Variants in RAB1B observed in about 807,000 individuals in gnomAD.
RAB1B encodes the protein RAB1B, member RAS oncogene family.
RAB1B carries 10 observed loss-of-function variants against 24.8 expected under a neutral mutation model. The observed-to-expected ratio is 0.40, with a 90% CI of 0.25 to 0.68. The LOEUF (loss-of-function observed/expected upper bound fraction) is 0.68. Ranked by LOEUF, RAB1B falls within the 30% of genes least tolerant of loss-of-function variation. The pLI, the probability that RAB1B is intolerant of heterozygous loss-of-function variation, is 0.37. For missense variants in RAB1B, 154 were observed against 271.2 expected (o/e 0.57, Z 3.04); for synonymous variants, 99 against 111.7 (o/e 0.89, Z 0.72).
At chr11:66,268,762 G>T (rs1856986843) in intron 1 of RAB1B, 69 bp downstream of exon 1, 2 of 1,485,496 alleles carry the variant, frequency 1.3e-6, no homozygotes, top group South Asian at 2.6e-5. Context: ...CGCTTACCGG[G>T]GTTGTCTGGC....
chr11:66,275,721 T>G, intron 4 of RAB1B, 83 bp from the exon 5 acceptor site: 1 of 1,452,328 alleles, frequency 6.9e-7, no homozygotes, highest in Non-Finnish European at 9.3e-7. Flanking sequence ...GCTGTACTGT[T>G]CCCCTCAGAG....
chr11:66,270,875 G>T (rs567919207), intron 1 of RAB1B: 2 of 152,246 alleles, frequency 1.3e-5, no homozygotes, highest in African/African-American at 4.8e-5. Flanking sequence ...CAGAAATCAG[G>T]TTAGGATACC....
intron 4 of RAB1B, among the ~76,000 whole-genome samples, chr11:66,273,519 A>G (rs922282921): frequency 3.9e-5 from 6 of 152,054 alleles, no homozygotes; most frequent in African/African-American, 4.8e-5. Flanking sequence ...GTCAGTGTCT[A>G]TTTGCTGGTC....
At chr11:66,269,723 C>G (rs537001087) in intron 1 of RAB1B, 2 of 152,240 alleles carry the variant, frequency 1.3e-5, no homozygotes, top group Non-Finnish European at 2.9e-5. Flanking sequence ...CTTCCCTTCT[C>G]TGGCCTCTGG....
Position 66,268,654 on chromosome 11 carries a change from C to A in RAB1B, c.-26C>A. On this transcript the variant is annotated 5_prime_UTR_variant, in exon 1 of 6. Transcript: ENST00000311481. ...GAGGCGGAGCAGAGTCGACTGGGAG[C>A]GACCGAGCGGGCCGCCGCCGCCGCC... 3 of 1,560,166 alleles carry A rather than the reference C, an allele frequency of 1.9e-6. No individual in the cohort carries two copies. The highest frequency in any genetic ancestry group is 2.6e-6 in the Non-Finnish European group (3 of 1,154,682).
intron 4 of RAB1B, among the ~76,000 whole-genome samples, chr11:66,273,252 C>G (rs1227332668): frequency 2.0e-5 from 3 of 152,156 alleles, no homozygotes; most frequent in South Asian, 2.1e-4. Flanking sequence ...AGCCGTGGGC[C>G]GGGAAGAGTC....
At position 66,276,770 on chromosome 11, in the gene RAB1B, T is replaced by TC. The variant is rs2134869499; in HGVS notation, c.*536dup. 1 of 139,690 alleles carries TC rather than the reference T, an allele frequency of 7.2e-6. No individual in the cohort carries two copies. Among genetic ancestry groups the TC allele is most frequent in the East Asian group, 2.2e-4 (1 of 4,620 alleles). 8.7% of individuals were successfully genotyped at this position (139,690 alleles called of 1,614,324 possible). ...GGGCCCAGCAGCCCACCCTTTCCTC[T>TC]CCCCACTGCCTCCTCTCCCTTCCTA... is the stretch of plus-strand genomic sequence containing the variant. On this transcript the variant is annotated 3_prime_UTR_variant, in exon 6 of 6. Transcript: ENST00000311481.
chr11:66,270,924 T>C (rs1313082686), intron 1 of RAB1B: 2 of 152,278 alleles, frequency 1.3e-5, no homozygotes, highest in African/African-American at 2.4e-5. Flanking sequence ...TCTTGATTTC[T>C]TTCTCCATAA....
intron 1 of RAB1B, chr11:66,271,488 CAAAAAAAAA>C (rs71270565): frequency 8.2e-5 from 4 of 48,492 alleles, no homozygotes; most frequent in Admixed American, 2.2e-4. Context: ...AACTCAGTCT[CAAAAAAAAA>C]AAAAAAAAAA....
intron 4 of RAB1B, among the ~76,000 whole-genome samples, chr11:66,273,895 A>G (rs1416954794): frequency 6.6e-6 from 1 of 152,146 alleles, no homozygotes. Context: ...CCCACCCTCA[A>G]GCAGCCTCTG....
chr11:66,275,672 ATC>A (rs1310673390), intron 4 of RAB1B, 130 bp from the exon 5 acceptor site: 4 of 970,184 alleles, frequency 4.1e-6, no homozygotes, highest in Non-Finnish European at 5.9e-6. Context: ...CTTCCTCTGC[ATC>A]TCTGCATCGC....
At chr11:66,269,336 C>A (rs895368867) in intron 1 of RAB1B, among the ~76,000 whole-genome samples, 1 of 152,146 alleles carries the variant, frequency 6.6e-6, no homozygotes, top group Non-Finnish European at 1.5e-5. Flanking sequence ...CCAACGCCAC[C>A]GTCACACCCC....
At chr11:66,272,299 T>C (rs530623878) in intron 3 of RAB1B, 47 bp downstream of exon 3, 1 of 1,600,138 alleles carries the variant, frequency 6.2e-7, no homozygotes, top group South Asian at 1.1e-5. Context: ...GTATCCACCT[T>C]GGGAGGGAAG....
At chr11:66,273,973 A>C (rs1857101613) in intron 4 of RAB1B, among the ~76,000 whole-genome samples, 2 of 151,986 alleles carry the variant, frequency 1.3e-5, no homozygotes, top group Non-Finnish European at 2.9e-5. Context: ...CCCCATTTTT[A>C]ATATTTTTAT....
At position 66,272,392 on chromosome 11, in the gene RAB1B, C is replaced by A; in HGVS notation, c.211C>A (p.Arg71=). The A allele has an allele frequency of 6.2e-7, 1 of 1,610,050 alleles. No individual in the cohort carries two copies. Among genetic ancestry groups the A allele is most frequent in the Non-Finnish European group, 8.5e-7 (1 of 1,177,458 alleles). Residue 71 remains arginine (R), a synonymous_variant, in exon 4 of 6, where the codon CGG becomes AGG. Coordinates refer to ENST00000311481, the MANE Select transcript of RAB1B (RefSeq NM_030981.3). ...IWDTAGQERF[R]TITSSYYRGA... Reference sequence around the variant, plus strand: ...GGACACAGCGGGCCAGGAACGGTTCCGGACCATCACTTCCAGCTACTACCG... The same window carrying A: ...GGACACAGCGGGCCAGGAACGGTTCAGGACCATCACTTCCAGCTACTACCG...
At chr11:66,271,015 G>A (rs993553649) in intron 1 of RAB1B, 1 of 152,264 alleles carries the variant, frequency 6.6e-6, no homozygotes, top group African/African-American at 2.4e-5. Context: ...CCCTGACCGG[G>A]ACTGTTGGGA....
chr11:66,277,130 C>T lies in RAB1B; in HGVS notation c.*892C>T, dbSNP rs1461995947. On this transcript the variant is annotated 3_prime_UTR_variant, in exon 6 of 6. Coordinates refer to ENST00000311481, the MANE Select transcript of RAB1B (RefSeq NM_030981.3). ...GGAAGGCCCTCATCCCCTGCCGCTA[C>T]TTCTCTGGGGAATGTGGGTTCCATC... 1 of 152,842 alleles carries T rather than the reference C, an allele frequency of 6.5e-6. No homozygotes were observed. The highest frequency in any genetic ancestry group is 2.4e-5 in the African/African-American group (1 of 41,454). 9.5% of individuals were successfully genotyped at this position (152,842 alleles called of 1,614,324 possible). A position where few individuals can be genotyped will look rare whatever the true frequency, so the allele number is the denominator to read the frequency against.
chr11:66,275,684 C>A, intron 4 of RAB1B, 120 bp from the exon 5 acceptor site: 1 of 1,111,202 alleles, frequency 9.0e-7, no homozygotes, highest in South Asian at 1.6e-5. Flanking sequence ...CTCTGCATCG[C>A]TGAGCCCAGG....
In RAB1B at chr11:66,272,168, C is replaced by T. The variant is rs1857070622; in HGVS notation, c.99C>T (p.Tyr33=). 4 of 1,612,388 alleles carry T rather than the reference C, an allele frequency of 2.5e-6. No homozygotes were observed. The highest frequency in any genetic ancestry group is 1.7e-4 in the Middle Eastern group (1 of 5,912). Residue 33 remains tyrosine, a synonymous_variant, in exon 3 of 6, where the codon TAC becomes TAT. Transcript: ENST00000311481. ...CCCTGAACTTTCAGGATGACACGTACACAGAGAGCTACATCAGCACCATCG... is the reference window on the plus strand; with the variant it reads ...CCCTGAACTTTCAGGATGACACGTATACAGAGAGCTACATCAGCACCATCG... ...CLLLRFADDT[Y]TESYISTIGV... is the part of the protein sequence containing the mutation.
Sources: gnomAD v4.1 joint callset for allele counts (sites outside exome capture counted in the v4.1 genomes callset) on GRCh38, gnomAD v4.1.1 for gene constraint, MANE v1.5 for transcripts, NCBI Gene and HGNC (gene_info 2026-07-23, HGNC 2026-07-21) for gene names.